The following RIMS1 variants were observed in gnomAD, a reference collection of about 807,000 sequenced individuals.
RIMS1 encodes regulating synaptic membrane exocytosis protein 1.
Under a neutral mutation model 214.1 loss-of-function variants are expected in RIMS1, and 83 were observed. The observed-to-expected ratio is 0.39, with a 90% confidence interval of 0.32 to 0.47. The LOEUF (loss-of-function observed/expected upper bound fraction) is 0.47. Among genes scored for constraint, RIMS1 ranks in the 20% least tolerant of loss-of-function variants. The probability of loss-of-function intolerance (pLI) is 0.99; values close to 1 mark genes in which losing one functional copy is unlikely to be tolerated. For synonymous variants in RIMS1, 793 were observed against 786.8 expected, an observed-to-expected ratio of 1.01 and a Z score of -0.13; for missense variants, 2,050 against 2,161.8, an observed-to-expected ratio of 0.95 and a Z score of 1.03.
rs369787158 is a variant in RIMS1 at position 72,292,000 on chromosome 6, A to G, written c.3804A>G (p.Gly1268=). 99 of 1,563,014 alleles carry G rather than the reference A, an allele frequency of 6.3e-5. No homozygotes were observed. In the African/African-American group the frequency reaches 1.3e-3, roughly 21 times the overall value. Residue 1268 remains glycine, a synonymous_variant, in exon 26 of 34, where the codon GGA becomes GGG. Transcript: ENST00000521978. ...PADTSFSSRR[G]RQLPQVPVRS... The stretch of plus-strand genomic sequence containing the variant: ...ACACATCGTTCAGCAGTCGCAGGGG[A>G]AGACAGCTCCCACAAGTGCCAGTGA...
chr6:72,339,286 T>G (rs1252510833), intron 29 of RIMS1, among the ~76,000 whole-genome samples: 3 of 151,914 alleles, frequency 2.0e-5, no homozygotes, highest in African/African-American at 7.2e-5. Context: ...TATTTATATC[T>G]TTTTTTAAAA....
rs577375768 is a variant in RIMS1, at chr6:71,969,731, C to T, written c.245+668C>T. Among the ~76,000 whole-genome samples the T allele has an allele frequency of 7.2e-4, 109 of 152,206 alleles. 2 individuals are homozygous for T. Among genetic ancestry groups the T allele is most frequent in the Middle Eastern group, 3.4e-3 (1 of 294 alleles). On this transcript the variant is annotated intron_variant, in intron 2 of 33. Transcript: ENST00000521978. ...GGCTGAGGCAGGAAAATCACCTGAA[C>T]CTGTGAGGTGGAGGCTGCCGTAAGC...
At chr6:72,043,909 A>G (rs937810131) in intron 2 of RIMS1, among the ~76,000 whole-genome samples, 3 of 151,610 alleles carry the variant, frequency 2.0e-5, no homozygotes, top group African/African-American at 7.2e-5. Context: ...TGATTAACCC[A>G]ACAACCCCTG....
intron 2 of RIMS1, among the ~76,000 whole-genome samples, chr6:72,052,403 A>G (rs1254889048): frequency 1.3e-5 from 2 of 152,242 alleles, no homozygotes; most frequent in African/African-American, 2.4e-5. Flanking sequence ...AATAGGGACA[A>G]GAGTATTTAG....
chr6:72,029,056 A>C (rs1817350688), intron 2 of RIMS1, among the ~76,000 whole-genome samples: 1 of 152,162 alleles, frequency 6.6e-6, no homozygotes, highest in Non-Finnish European at 1.5e-5. Flanking sequence ...GTAAAAAGGG[A>C]ATATGGAAAA....
chr6:72,200,384 A>G (rs1251547213), intron 6 of RIMS1, among the ~76,000 whole-genome samples: 1 of 152,084 alleles, frequency 6.6e-6, no homozygotes, highest in Non-Finnish European at 1.5e-5. Flanking sequence ...CCTTTTATCT[A>G]CATCTGCCCT....
intron 23 of RIMS1, among the ~76,000 whole-genome samples, chr6:72,281,983 T>C (rs148502016): frequency 9.1e-4 from 138 of 152,156 alleles, no homozygotes; most frequent in African/African-American, 3.2e-3. Flanking sequence ...ACAGACATAT[T>C]CCAACCACCT....
chr6:72,073,073 C>A (rs184680582), intron 2 of RIMS1, among the ~76,000 whole-genome samples: 1 of 152,106 alleles, frequency 6.6e-6, no homozygotes, highest in Non-Finnish European at 1.5e-5. Flanking sequence ...AAGGGTATTT[C>A]GAGCCCTGAC....
chr6:72,095,493 T>C (rs1431350136), intron 2 of RIMS1, among the ~76,000 whole-genome samples: 1 of 152,224 alleles, frequency 6.6e-6, no homozygotes, highest in African/African-American at 2.4e-5. Flanking sequence ...TGAAGTGATA[T>C]TAGCTGGCCT....
At chr6:72,377,709 A>G (rs984210497) in intron 29 of RIMS1, among the ~76,000 whole-genome samples, 1 of 152,204 alleles carries the variant, frequency 6.6e-6, no homozygotes, top group African/African-American at 2.4e-5. Flanking sequence ...TATTTTATAT[A>G]TACAGACATA....
At chr6:72,160,675 T>G (rs2045252009) in intron 4 of RIMS1, among the ~76,000 whole-genome samples, 1 of 141,258 alleles carries the variant, frequency 7.1e-6, no homozygotes, top group Non-Finnish European at 1.6e-5. Context: ...GTTTATATGC[T>G]GGCTTACGTT....
intron 29 of RIMS1, among the ~76,000 whole-genome samples, chr6:72,342,318 G>T (rs2097120960): frequency 1.3e-5 from 2 of 151,604 alleles, no homozygotes; most frequent in Non-Finnish European, 2.9e-5. Context: ...CGCAGTTCTT[G>T]TCATGGGTGG....
At chr6:72,258,730 C>G (rs1347536469) in intron 17 of RIMS1, among the ~76,000 whole-genome samples, 1 of 151,978 alleles carries the variant, frequency 6.6e-6, no homozygotes, top group Non-Finnish European at 1.5e-5. Context: ...GATATACACT[C>G]CTGAAATTGT....
chr6:72,209,900 CAAA>C (rs200401100), intron 6 of RIMS1, among the ~76,000 whole-genome samples: 14 of 115,880 alleles, frequency 1.2e-4, no homozygotes, highest in African/African-American at 3.1e-4. Context: ...GACTCTGTCT[CAAA>C]AAAAAAAAAA....
chr6:72,159,349 G>A (rs1392344113), intron 4 of RIMS1, among the ~76,000 whole-genome samples: 1 of 140,194 alleles, frequency 7.1e-6, no homozygotes, highest in Non-Finnish European at 1.6e-5. Context: ...TAGGTTGCCT[G>A]TTCACTCTGA....
At chr6:71,917,049 C>A (rs1778631224) in intron 1 of RIMS1, among the ~76,000 whole-genome samples, 1 of 152,106 alleles carries the variant, frequency 6.6e-6, no homozygotes, top group African/African-American at 2.4e-5. Flanking sequence ...CATTCTGCTG[C>A]CTACTGTGTG....
chr6:71,932,913 C>T (rs902287850), intron 1 of RIMS1, among the ~76,000 whole-genome samples: 4 of 152,108 alleles, frequency 2.6e-5, no homozygotes, highest in African/African-American at 7.2e-5. Flanking sequence ...CTTCATTGGG[C>T]TCCTAATATT....
chr6:72,315,805 ACAT>A (rs1481734813), intron 28 of RIMS1, among the ~76,000 whole-genome samples: 1 of 152,324 alleles, frequency 6.6e-6, no homozygotes, highest in Non-Finnish European at 1.5e-5. Flanking sequence ...GAATAAAATG[ACAT>A]CAGCATAAAA....
chr6:72,032,377 C>T (rs1818376611), intron 2 of RIMS1, among the ~76,000 whole-genome samples: 1 of 152,126 alleles, frequency 6.6e-6, no homozygotes, highest in African/African-American at 2.4e-5. Flanking sequence ...TCCTGGAGCT[C>T]TCTCTGCAGT....
Sources: gnomAD v4.1 joint callset for allele counts (sites outside exome capture counted in the v4.1 genomes callset) on GRCh38, gnomAD v4.1.1 for gene constraint, MANE v1.5 for transcripts, NCBI Gene and HGNC (gene_info 2026-07-23, HGNC 2026-07-21) for gene names.